RPS6KA1: variants seen among roughly 807,000 people sequenced by gnomAD.
RPS6KA1 encodes ribosomal protein S6 kinase A1, also known as ribosomal protein S6 kinase alpha-1.
In RPS6KA1, 48 loss-of-function variants were observed where a neutral mutation model predicts 91.3. That is an observed-to-expected ratio of 0.53 (90% CI 0.42 to 0.67). The LOEUF is 0.67. RPS6KA1 is among the 30% of genes least tolerant of loss of function. The pLI is 0.00. For missense variants in RPS6KA1, 719 were observed against 960.5 expected (o/e 0.75, Z 3.32); for synonymous variants, 359 against 384.7 (o/e 0.93, Z 0.78).
intron 1 of RPS6KA1, 53 bp from the exon 2 acceptor site, chr1:26,536,872 C>G (rs2075910692): frequency 5.0e-6 from 8 of 1,603,354 alleles, no homozygotes; most frequent in Non-Finnish European, 6.8e-6. Flanking sequence ...GAGTCTTTCT[C>G]CCAAGCGTGT....
At position 26,558,933 on chromosome 1, in the gene RPS6KA1, T is replaced by C; in HGVS notation, c.1211T>C (p.Val404Ala). ...CCGCAGGCACCCCTGCACTCGGTGG[T>C]ACAGGTGAGGGGGGCAGGGGGCTGC... is the stretch of plus-strand genomic sequence containing the variant. ...RAPQAPLHSV[V>A]QQLHGKNLVF... is the part of the protein sequence containing the mutation. Residue 404 changes from valine (V) to alanine (A), a missense_variant, in exon 14 of 22, where the codon GTA becomes GCA. Around this residue, in one of 5 missense-constraint regions of RPS6KA1, gnomAD observed 228 missense variants for 247.6 expected, o/e 0.92. Coordinates refer to ENST00000374168, the MANE Select transcript of RPS6KA1 (RefSeq NM_002953.4). This position sits in a 1 kb window ranked among gnomAD's most constrained non-coding sequence, Gnocchi z 4.0. 1 of 1,611,544 alleles carries C rather than the reference T, an allele frequency of 6.2e-7. No homozygotes were observed. The highest frequency in any genetic ancestry group is 8.5e-7 in the Non-Finnish European group (1 of 1,178,066).
chr1:26,567,572 G>T (rs946837663), intron 17 of RPS6KA1, among the ~76,000 whole-genome samples: 1 of 152,060 alleles, frequency 6.6e-6, no homozygotes, highest in Non-Finnish European at 1.5e-5. Flanking sequence ...GTAGAGACGG[G>T]GTTTCTCCAT....
chr1:26,571,724 T>G lies in RPS6KA1; in HGVS notation c.1752+114T>G, dbSNP rs2076250737. The G allele has an allele frequency of 6.7e-7, 1 of 1,490,658 alleles. No individual in the cohort carries two copies. The highest frequency in any genetic ancestry group is 1.2e-5 in the South Asian group (1 of 80,418). 92.3% of individuals were successfully genotyped at this position (1,490,658 alleles called of 1,614,324 possible). A position where few individuals can be genotyped will look rare whatever the true frequency, so the allele number is the denominator to read the frequency against. ...CCAGTCTCTGTGACCTTGGCCCAGC[T>G]GGCAAGGGAAGATCTAGCCTGTGCC... On this transcript the variant is annotated intron_variant, in intron 18 of 21. Transcript: ENST00000374168. This position sits in a 1 kb window ranked among gnomAD's most constrained non-coding sequence, Gnocchi z 5.1.
intron 17 of RPS6KA1, among the ~76,000 whole-genome samples, chr1:26,563,917 G>A (rs554885452): frequency 2.6e-5 from 4 of 152,238 alleles, no homozygotes; most frequent in South Asian, 4.1e-4. Context: ...GAGGCCAGGA[G>A]TTCAAGACCA....
intron 2 of RPS6KA1, among the ~76,000 whole-genome samples, chr1:26,546,388 G>T (rs1166997654): frequency 6.6e-6 from 1 of 152,184 alleles, no homozygotes; most frequent in Non-Finnish European, 1.5e-5. Flanking sequence ...GAGTTTGGGT[G>T]ACTCTTGGGT....
At position 26,529,820 on chromosome 1, in the gene RPS6KA1, G is replaced by C. The variant is rs1357544943; in HGVS notation, c.-101G>C. 17 of 887,266 alleles carry C rather than the reference G, an allele frequency of 1.9e-5. No homozygotes were observed. In the Admixed American group the frequency reaches 4.7e-4, roughly 25 times the overall value. The allele number at this position is 887,266 out of a possible 1,614,324, so 55.0% of individuals were successfully genotyped here. ...CCCAGCCGGAGCGCGAGGGGCTCGG[G>C]GGGGCGCGGCGGTTCGGGTCGCAGA... On this transcript the variant is annotated 5_prime_UTR_variant, in exon 1 of 22. Transcript: ENST00000374168. The surrounding 1 kb of genome is among the most constrained non-coding windows in gnomAD (Gnocchi z 4.2).
At position 26,555,742 on chromosome 1, in the gene RPS6KA1, A is replaced by T; in HGVS notation, c.916+117A>T. ...GGGCCGTTGTCCTTTGTGTGGGCAGACAATGCCGCGGGCCACCCTGCTTTC... is the reference window on the plus strand; with the variant it reads ...GGGCCGTTGTCCTTTGTGTGGGCAGTCAATGCCGCGGGCCACCCTGCTTTC... On this transcript the variant is annotated intron_variant, in intron 11 of 21. Coordinates refer to ENST00000374168, the MANE Select transcript of RPS6KA1 (RefSeq NM_002953.4). This position sits in a 1 kb window ranked among gnomAD's most constrained non-coding sequence, Gnocchi z 4.3. 9.8e-7 allele frequency: 1 copy of T among 1,020,264 alleles called. No individual in the cohort carries two copies. 63.2% of individuals were successfully genotyped at this position (1,020,264 alleles called of 1,614,324 possible).
At chr1:26,546,737 C>T (rs1276160937) in intron 2 of RPS6KA1, 130 bp from the exon 3 acceptor site, 2 of 674,388 alleles carry the variant, frequency 3.0e-6, no homozygotes, top group Non-Finnish European at 5.2e-6. Flanking sequence ...GAGGCTAGCC[C>T]TTCAGGGAAG....
Position 26,555,487 on chromosome 1 carries a change from G to A in RPS6KA1, c.828-50G>A, listed in dbSNP as rs1343234619. The stretch of plus-strand genomic sequence containing the variant: ...ATCTGGACAGGGGCCGGGGGAGATG[G>A]GGCCTCTGGGGCAGGGCTCAGCCTT... On this transcript the variant is annotated intron_variant, in intron 10 of 21. Coordinates refer to ENST00000374168, the MANE Select transcript of RPS6KA1 (RefSeq NM_002953.4). This position sits in a 1 kb window ranked among gnomAD's most constrained non-coding sequence, Gnocchi z 4.3. The A allele has an allele frequency of 6.6e-7, 1 of 1,510,458 alleles. No homozygotes were observed. The highest frequency in any genetic ancestry group is 1.4e-5 in the African/African-American group (1 of 72,348). The allele number at this position is 1,510,458 out of a possible 1,614,324, so 93.6% of individuals were successfully genotyped here.
chr1:26,545,969 G>A, intron 2 of RPS6KA1: 1 of 1,607,038 alleles, frequency 6.2e-7, no homozygotes, highest in East Asian at 2.2e-5. Flanking sequence ...CCAGGAAGCA[G>A]CGGCCCAGGA....
chr1:26,562,216 A>G (rs1322850960), intron 17 of RPS6KA1, among the ~76,000 whole-genome samples: 1 of 152,206 alleles, frequency 6.6e-6, no homozygotes, highest in East Asian at 1.9e-4. Context: ...AAATAAATAC[A>G]TAAATAAGAT....
At chr1:26,535,917 G>C (rs971873120) in intron 1 of RPS6KA1, among the ~76,000 whole-genome samples, 1 of 152,052 alleles carries the variant, frequency 6.6e-6, no homozygotes, top group South Asian at 2.1e-4. Flanking sequence ...TTGGGAGGCC[G>C]AGGCGGGCGG....
Position 26,574,240 on chromosome 1 carries a change from GAC to G in RPS6KA1, c.*43_*44del, listed in dbSNP as rs1160673347. ...TCGGGCCACAGGGCGGTGCTAGCTT[GAC>G]ACAGTCAGCATGCTTCCCAGAGGGA... On this transcript the variant is annotated 3_prime_UTR_variant, in exon 22 of 22. Coordinates refer to ENST00000374168, the MANE Select transcript of RPS6KA1 (RefSeq NM_002953.4). This position sits in a 1 kb window ranked among gnomAD's most constrained non-coding sequence, Gnocchi z 4.3. The G allele has an allele frequency of 6.2e-6, 10 of 1,612,746 alleles. No individual in the cohort carries two copies. In the African/African-American group the frequency reaches 1.3e-4, roughly 22 times the overall value.
rs1259125427 is a variant in RPS6KA1 at position 26,574,023 on chromosome 1, C to T, written c.2086-56C>T. The T allele has an allele frequency of 1.9e-6, 3 of 1,580,692 alleles. No homozygotes were observed. The African/African-American group carries it at 4.0e-5, about 21-fold the overall frequency. ...GCTGGCCTACCCTTGGGGCATGGAT[C>T]CCCTCCCCGCTACATCTCCCACCAT... On this transcript the variant is annotated intron_variant, in intron 21 of 21. Coordinates refer to ENST00000374168, the MANE Select transcript of RPS6KA1 (RefSeq NM_002953.4). The surrounding 1 kb of genome is among the most constrained non-coding windows in gnomAD (Gnocchi z 4.3).
intron 2 of RPS6KA1, among the ~76,000 whole-genome samples, chr1:26,538,994 C>G (rs6670311): frequency 0.042 from 6,387 of 152,234 alleles, 452 homozygotes; most frequent in African/African-American, 0.14. Context: ...ACAGGAGGGC[C>G]TAAAATGAAG....
At chr1:26,556,449 C>A (rs2124644551) in intron 11 of RPS6KA1, among the ~76,000 whole-genome samples, 1 of 152,324 alleles carries the variant, frequency 6.6e-6, no homozygotes, top group African/African-American at 2.4e-5. Flanking sequence ...ATTGGAATTT[C>A]TTCATCAGAA....
intron 2 of RPS6KA1, chr1:26,543,303 T>C (rs980170861): frequency 8.3e-6 from 9 of 1,085,640 alleles, no homozygotes; most frequent in Non-Finnish European, 1.2e-5. Context: ...GCTCTGTCCC[T>C]TGGGATTTCT....
chr1:26,543,015 C>A (rs761325950), intron 2 of RPS6KA1: 52 of 836,894 alleles, frequency 6.2e-5, no homozygotes, highest in Non-Finnish European at 7.7e-5. Flanking sequence ...TATAGAGGAG[C>A]CTGACCCATC....
At position 26,551,459 on chromosome 1, in the gene RPS6KA1, G is replaced by T. The variant is rs758493321; in HGVS notation, c.370G>T (p.Val124Leu). The change falls in exon 5 of 22, where the codon GTG (valine) becomes TTG (leucine). Residue 124 changes from valine (V) to leucine (L), a missense_variant. Transcript: ENST00000374168. This position sits in a 1 kb window ranked among gnomAD's most constrained non-coding sequence, Gnocchi z 4.5. ...DILADVNHPF[V>L]VKLHYAFQTE... ...CCTGGCTGATGTAAATCACCCATTC[G>T]TGGTGAAGCTGCACTATGGTAAAGC... is the stretch of plus-strand genomic sequence containing the variant. The T allele has an allele frequency of 1.2e-6, 2 of 1,614,134 alleles. No homozygotes were observed. The highest frequency in any genetic ancestry group is 1.7e-6 in the Non-Finnish European group (2 of 1,179,982).
Sources: gnomAD v4.1 joint callset for allele counts (sites outside exome capture counted in the v4.1 genomes callset) on GRCh38, gnomAD v4.1.1 for gene constraint, gnomAD v4.1.1 regional missense constraint, Gnocchi (gnomAD v3.1) non-coding constraint, MANE v1.5 for transcripts, NCBI Gene and HGNC (gene_info 2026-07-23, HGNC 2026-07-21) for gene names.